Variants in NBEAL1 observed in about 807,000 individuals in gnomAD.
The protein encoded by NBEAL1 is neurobeachin-like protein 1.
A neutral mutation model predicts 351.3 loss-of-function variants in NBEAL1; 273 were observed. The observed-to-expected ratio is 0.78, with a 90% CI of 0.70 to 0.86. NBEAL1 has a LOEUF of 0.86. NBEAL1 is among the 40% of genes least tolerant of loss of function. The probability of loss-of-function intolerance (pLI) is 0.00; values close to 1 mark genes in which losing one functional copy is unlikely to be tolerated. For synonymous variants in NBEAL1, 1,050 were observed against 1,086.4 expected (o/e 0.97, Z 0.66); for missense variants, 2,961 against 3,201.3 (o/e 0.92, Z 1.81).
chr2:203,060,769 T>C (rs565475990), intron 6 of NBEAL1, among the ~76,000 whole-genome samples: 2 of 152,338 alleles, frequency 1.3e-5, no homozygotes, highest in East Asian at 3.9e-4. Flanking sequence ...GAGCATTAAT[T>C]TACATCAGGC....
At position 203,026,506 on chromosome 2, in the gene NBEAL1, A is replaced by T. The variant is rs189667466; in HGVS notation, c.51+10071A>T. ...TGGTATTCAGTAGTTGCCATTTTAA[A>T]TTTTTTTTTTTTTTTTGAGACAGTC... On this transcript the variant is annotated intron_variant, in intron 2 of 55. Coordinates refer to ENST00000683969, the MANE Select transcript of NBEAL1 (RefSeq NM_001378026.1). Among the ~76,000 whole-genome samples the T allele has an allele frequency of 3.8e-3, 547 of 143,260 alleles. 1 individual carries two copies. The highest frequency in any genetic ancestry group is 0.013 in the African/African-American group (516 of 39,098). The allele number at this position is 143,260 out of a possible 152,430, so 94.0% of individuals were successfully genotyped here.
intron 6 of NBEAL1, among the ~76,000 whole-genome samples, chr2:203,066,966 G>C (rs1204664561): frequency 2.0e-5 from 3 of 150,138 alleles, no homozygotes; most frequent in Admixed American, 6.6e-5. Context: ...TCACTTACCA[G>C]GCGGGGCGGC....
chr2:203,151,966 C>CTT (rs756039318), intron 35 of NBEAL1, among the ~76,000 whole-genome samples: 1 of 150,346 alleles, frequency 6.7e-6, no homozygotes, highest in Non-Finnish European at 1.5e-5. Context: ...CTTTTCTTTT[C>CTT]TTTTTTTTGA....
intron 6 of NBEAL1, among the ~76,000 whole-genome samples, chr2:203,059,748 A>T (rs1219914480): frequency 6.6e-6 from 1 of 152,186 alleles, no homozygotes; most frequent in African/African-American, 2.4e-5. Context: ...GCCGGATGTG[A>T]TGGCTCATGC....
At chr2:203,101,069 C>T (rs1195392809) in intron 12 of NBEAL1, among the ~76,000 whole-genome samples, 2 of 152,128 alleles carry the variant, frequency 1.3e-5, no homozygotes, top group Non-Finnish European at 2.9e-5. Flanking sequence ...AATTTGGTCC[C>T]ATTTGTCAAT....
chr2:203,155,117 G>T (rs933788206), intron 35 of NBEAL1, among the ~76,000 whole-genome samples: 12 of 151,212 alleles, frequency 7.9e-5, no homozygotes, highest in Non-Finnish European at 1.6e-4. Flanking sequence ...GTGCAGTCAT[G>T]TGCGCCCATG....
At chr2:203,089,886 T>C (rs1342995023) in intron 10 of NBEAL1, among the ~76,000 whole-genome samples, 1 of 152,250 alleles carries the variant, frequency 6.6e-6, no homozygotes, top group Non-Finnish European at 1.5e-5. Context: ...TTTTTGAAAG[T>C]GATTCTTTTC....
At chr2:203,173,332 T>C (rs1260504373) in intron 41 of NBEAL1, among the ~76,000 whole-genome samples, 2 of 152,138 alleles carry the variant, frequency 1.3e-5, no homozygotes, top group Non-Finnish European at 2.9e-5. Flanking sequence ...ATTTTATAGT[T>C]CTGTTTATGA....
At chr2:203,149,260 AGGGT>A in intron 34 of NBEAL1, 112 bp downstream of exon 34, 4 of 700,624 alleles carry the variant, frequency 5.7e-6, no homozygotes, top group Non-Finnish European at 9.1e-6. Flanking sequence ...AATTCATAAA[AGGGT>A]GCTTTTAATC....
At chr2:203,070,079 T>C (rs2061655670) in intron 7 of NBEAL1, among the ~76,000 whole-genome samples, 1 of 152,248 alleles carries the variant, frequency 6.6e-6, no homozygotes, top group African/African-American at 2.4e-5. Flanking sequence ...ATTCAGTCTT[T>C]CACTATTAAA....
intron 12 of NBEAL1, among the ~76,000 whole-genome samples, chr2:203,105,998 G>T (rs565713458): frequency 6.6e-6 from 1 of 152,106 alleles, no homozygotes; most frequent in African/African-American, 2.4e-5. Flanking sequence ...CTATCAATTT[G>T]ATACTAGTTT....
At chr2:203,188,096 T>A (rs1313110123) in intron 44 of NBEAL1, among the ~76,000 whole-genome samples, 3 of 152,110 alleles carry the variant, frequency 2.0e-5, no homozygotes, top group African/African-American at 4.8e-5. Flanking sequence ...AAATTGATAT[T>A]TTTTTTTCTT....
intron 18 of NBEAL1, among the ~76,000 whole-genome samples, chr2:203,118,860 A>G (rs574662204): frequency 1.8e-4 from 27 of 152,276 alleles, no homozygotes; most frequent in African/African-American, 5.8e-4. Context: ...CAGTGCTGGG[A>G]TTACAGGCAT....
chr2:203,063,271 G>GTT (rs2061528286), intron 6 of NBEAL1, among the ~76,000 whole-genome samples: 3 of 151,646 alleles, frequency 2.0e-5, no homozygotes, highest in Admixed American at 2.0e-4. Context: ...GGCCAGGAGT[G>GTT]TAAGACCCCA....
intron 4 of NBEAL1, among the ~76,000 whole-genome samples, chr2:203,053,987 A>ACACTC (rs1269022487): frequency 6.6e-6 from 1 of 151,798 alleles, no homozygotes; most frequent in Non-Finnish European, 1.5e-5. Context: ...CTCCATCTGT[A>ACACTC]CACTCCAGGC....
At chr2:203,189,997 G>A (rs959433244) in intron 45 of NBEAL1, among the ~76,000 whole-genome samples, 11 of 151,848 alleles carry the variant, frequency 7.2e-5, no homozygotes, top group Admixed American at 2.6e-4. Flanking sequence ...TTATCTGGGC[G>A]TGGTGGCACG....
intron 12 of NBEAL1, among the ~76,000 whole-genome samples, chr2:203,105,738 C>G (rs2062423031): frequency 6.6e-6 from 1 of 151,792 alleles, no homozygotes; most frequent in Non-Finnish European, 1.5e-5. Flanking sequence ...AAAGACAAAC[C>G]CCTATAGGCA....
chr2:203,032,660 CTTT>C (rs747309074), intron 2 of NBEAL1, among the ~76,000 whole-genome samples: 7 of 70,142 alleles, frequency 1.0e-4, no homozygotes, highest in Admixed American at 2.5e-4. Flanking sequence ...GAAATTGTAG[CTTT>C]TTTTTTTTTT....
At chr2:203,032,079 C>T (rs996120258) in intron 2 of NBEAL1, among the ~76,000 whole-genome samples, 2 of 152,172 alleles carry the variant, frequency 1.3e-5, no homozygotes, top group African/African-American at 2.4e-5. Context: ...AGTAGCCCTA[C>T]GGAGAGGCCC....
Sources: gnomAD v4.1 joint callset for allele counts (sites outside exome capture counted in the v4.1 genomes callset) on GRCh38, gnomAD v4.1.1 for gene constraint, MANE v1.5 for transcripts, NCBI Gene and HGNC (gene_info 2026-07-23, HGNC 2026-07-21) for gene names.